The following ARID4B variants were observed in gnomAD, a reference collection of about 807,000 sequenced individuals.
The protein encoded by ARID4B is AT-rich interactive domain-containing protein 4B.
A neutral mutation model predicts 147.5 loss-of-function variants in ARID4B; 26 were observed. The ratio of observed to expected loss-of-function variants is 0.18; its 90% CI spans 0.13 to 0.24. ARID4B has a LOEUF of 0.24. Among genes scored for constraint, ARID4B ranks in the 10% least tolerant of loss-of-function variants. The probability of loss-of-function intolerance (pLI) is 1.00; values close to 1 mark genes in which losing one functional copy is unlikely to be tolerated. For synonymous variants in ARID4B, 512 were observed against 507.9 expected, an observed-to-expected ratio of 1.01 and a Z score of -0.11; for missense variants, 1,179 against 1,511.5, an observed-to-expected ratio of 0.78 and a Z score of 3.65.
chr1:235,273,976 T>C (rs1018488949), intron 2 of ARID4B, among the ~76,000 whole-genome samples: 1 of 152,188 alleles, frequency 6.6e-6, no homozygotes. Context: ...ACAAGCGAAG[T>C]AATACTACTC....
chr1:235,257,043 G>T, intron 4 of ARID4B, 117 bp downstream of exon 4: 2 of 741,218 alleles, frequency 2.7e-6, no homozygotes, highest in South Asian at 1.8e-5. Context: ...AGTCTTTTTA[G>T]AGAAAATTAC....
At chr1:235,203,323 T>C (rs1355133674) in intron 17 of ARID4B, among the ~76,000 whole-genome samples, 2 of 152,216 alleles carry the variant, frequency 1.3e-5, no homozygotes, top group African/African-American at 4.8e-5. Flanking sequence ...ATGGTTAATA[T>C]GCCCACATCA....
intron 2 of ARID4B, among the ~76,000 whole-genome samples, chr1:235,302,650 T>C (rs997369978): frequency 6.6e-6 from 1 of 152,204 alleles, no homozygotes; most frequent in East Asian, 1.9e-4. Context: ...CTCTAAACAA[T>C]ACACGTTAGC....
In ARID4B at chr1:235,213,931, T is replaced by C. The variant is rs1301433122; in HGVS notation, c.1679A>G (p.Asn560Ser). 1.9e-6 allele frequency: 3 copies of C among 1,613,204 alleles called. No individual in the cohort carries two copies. Among genetic ancestry groups the C allele is most frequent in the Non-Finnish European group, 2.5e-6 (3 of 1,179,340 alleles). The change falls in exon 17 of 24, where the codon AAC becomes AGC. Residue 560 changes from asparagine (N) to serine (S), a missense_variant. Coordinates refer to ENST00000264183, the MANE Select transcript of ARID4B (RefSeq NM_016374.6). Reference sequence around the variant, plus strand: ...GCACTCAAACTCCTCTTCCTCATTGTTGTCATCATCATCTTCATCCTCTTC... The same window carrying C: ...GCACTCAAACTCCTCTTCCTCATTGCTGTCATCATCATCTTCATCCTCTTC... Reference protein sequence around the residue: ...EEEEDEDDDDNNEEEEFECYP... With the variant: ...EEEEDEDDDDSNEEEEFECYP...
At position 235,284,615 on chromosome 1, in the gene ARID4B, G is replaced by A. The variant is rs1572153274; in HGVS notation, c.7-23863C>T. ...ACGTGAGAGGATCCCTTGGGCCCAT[G>A]AGTTCCAGAACAGCCTATGCAACAT... is the stretch of plus-strand genomic sequence containing the variant. On this transcript the variant is annotated intron_variant, in intron 2 of 23. Coordinates refer to ENST00000264183, the MANE Select transcript of ARID4B (RefSeq NM_016374.6). Among the ~76,000 whole-genome samples the A allele has an allele frequency of 4.6e-5, 7 of 152,282 alleles. No individual in the cohort carries two copies. The South Asian group carries it at 1.5e-3, about 32-fold the overall frequency.
chr1:235,216,915 T>C (rs1667130180), intron 16 of ARID4B, among the ~76,000 whole-genome samples: 2 of 152,044 alleles, frequency 1.3e-5, no homozygotes, highest in African/African-American at 2.4e-5. Context: ...CTCAGAATCA[T>C]CATATAAAAA....
At chr1:235,269,671 CA>C (rs1670842734) in intron 2 of ARID4B, among the ~76,000 whole-genome samples, 1 of 151,822 alleles carries the variant, frequency 6.6e-6, no homozygotes, top group Non-Finnish European at 1.5e-5. Flanking sequence ...CACACACATA[CA>C]AATCTGTGTA....
At chr1:235,279,926 G>C (rs183201739) in intron 2 of ARID4B, among the ~76,000 whole-genome samples, 1 of 152,104 alleles carries the variant, frequency 6.6e-6, no homozygotes, top group Non-Finnish European at 1.5e-5. Flanking sequence ...TAACTCTACC[G>C]GGAGAAATTT....
At position 235,167,643 on chromosome 1, in the gene ARID4B, C is replaced by T. The variant is rs1356530490; in HGVS notation, c.*882G>A. 9.7e-6 allele frequency: 2 copies of T among 206,852 alleles called. No individual in the cohort carries two copies. The highest frequency in any genetic ancestry group is 4.6e-5 in the African/African-American group (2 of 43,884). The allele number at this position is 206,852 out of a possible 1,614,324, so 12.8% of individuals were successfully genotyped here. A position where few individuals can be genotyped will look rare whatever the true frequency, so the allele number is the denominator to read the frequency against. ...GTAGCTCATAATAAAATAAGCAATA[C>T]AAATGAATTATCTGTATTTAAGGGA... On this transcript the variant is annotated 3_prime_UTR_variant, in exon 24 of 24. Coordinates refer to ENST00000264183, the MANE Select transcript of ARID4B (RefSeq NM_016374.6).
At chr1:235,220,168 A>G (rs1244007522) in intron 15 of ARID4B, 134 bp downstream of exon 15, 3 of 910,112 alleles carry the variant, frequency 3.3e-6, no homozygotes, top group Non-Finnish European at 4.5e-6. Context: ...AAATTATACA[A>G]AAGTAGCACT....
chr1:235,189,597 A>G (rs1401101570), intron 19 of ARID4B, among the ~76,000 whole-genome samples: 2 of 152,154 alleles, frequency 1.3e-5, no homozygotes, highest in South Asian at 4.2e-4. Flanking sequence ...GGCTGGCCAA[A>G]GAAAGATAAC....
chr1:235,187,648 G>T (rs1664787649), intron 19 of ARID4B, among the ~76,000 whole-genome samples: 1 of 152,140 alleles, frequency 6.6e-6, no homozygotes. Context: ...AGGACAAGAG[G>T]ATAGAATCTT....
In ARID4B at chr1:235,327,202, A is replaced by T. The variant is rs879053873; in HGVS notation, c.-49-234T>A. 4 of 401,662 alleles carry T rather than the reference A, an allele frequency of 1.0e-5. No individual in the cohort carries two copies. In the South Asian group the frequency reaches 1.4e-4, roughly 14 times the overall value. 24.9% of individuals were successfully genotyped at this position (401,662 alleles called of 1,614,324 possible). ...CGTCCCCATTGTCGAGACCCGACGGAGTTTCCCGTCTACGACAATGACGCC... is the reference window on the plus strand; with the variant it reads ...CGTCCCCATTGTCGAGACCCGACGGTGTTTCCCGTCTACGACAATGACGCC... On this transcript the variant is annotated intron_variant, in intron 1 of 23. Transcript: ENST00000264183.
intron 2 of ARID4B, among the ~76,000 whole-genome samples, chr1:235,310,398 A>G (rs904381479): frequency 2.0e-5 from 3 of 152,192 alleles, no homozygotes; most frequent in African/African-American, 7.2e-5. Context: ...CAGTTTACTA[A>G]CAAAAGAACA....
At chr1:235,195,022 G>T (rs556428936) in intron 18 of ARID4B, among the ~76,000 whole-genome samples, 6 of 151,996 alleles carry the variant, frequency 3.9e-5, no homozygotes, top group African/African-American at 1.5e-4. Flanking sequence ...AGCAAAGGCC[G>T]ATATATTTCC....
At chr1:235,176,437 C>CAAAAAAAAAAAAAAAA (rs34808765) in intron 21 of ARID4B, among the ~76,000 whole-genome samples, 8 of 22,528 alleles carry the variant, frequency 3.6e-4, no homozygotes, top group African/African-American at 7.9e-4. Context: ...ACAACATCAC[C>CAAAAAAAAAAAAAAAA]AAAAAAAAAA....
rs1239520776 is a variant in ARID4B at position 235,203,750 on chromosome 1, G to T, written c.1842-7635C>A. On this transcript the variant is annotated intron_variant, in intron 17 of 23. Transcript: ENST00000264183. Reference sequence around the variant, plus strand: ...AATTTGTACTGTCTTAGTATGGAAAGGGATTTCCCCACCTGAATTAAATAA... The same window carrying T: ...AATTTGTACTGTCTTAGTATGGAAATGGATTTCCCCACCTGAATTAAATAA... Among the ~76,000 whole-genome samples the T allele has an allele frequency of 2.6e-5, 4 of 151,936 alleles. No homozygotes were observed. In the South Asian group the frequency reaches 6.2e-4, roughly 24 times the overall value.
chr1:235,230,550 C>T (rs1668135974), intron 10 of ARID4B, among the ~76,000 whole-genome samples: 1 of 141,474 alleles, frequency 7.1e-6, no homozygotes, highest in Non-Finnish European at 1.5e-5. Context: ...GCTGACTACA[C>T]AGTTCTCTCC....
intron 19 of ARID4B, among the ~76,000 whole-genome samples, chr1:235,193,715 A>G (rs1007018669): frequency 1.3e-5 from 2 of 152,178 alleles, no homozygotes; most frequent in African/African-American, 4.8e-5. Flanking sequence ...CCAAAATCAT[A>G]CACTTTTTGA....
Sources: allele counts gnomAD v4.1 joint callset (sites outside exome capture counted in the v4.1 genomes callset), GRCh38; gene constraint gnomAD v4.1.1; transcripts MANE v1.5; gene names NCBI Gene and HGNC (gene_info 2026-07-23, HGNC 2026-07-21).